OGDHL: variants seen among roughly 807,000 people sequenced by gnomAD.
The protein encoded by OGDHL is 2-oxoglutarate dehydrogenase-like, mitochondrial.
In OGDHL, 79 loss-of-function variants were observed where a neutral mutation model predicts 109.6. That is an observed-to-expected ratio of 0.72 (90% CI 0.60 to 0.87). OGDHL has a LOEUF of 0.87. Ranked by LOEUF, OGDHL falls within the 40% of genes least tolerant of loss-of-function variation. OGDHL has a pLI of 0.00. For synonymous variants in OGDHL, 528 were observed against 537.2 expected (o/e 0.98, Z 0.24); for missense variants, 1,275 against 1,362.2 (o/e 0.94, Z 1.01).
Position 49,756,766 on chromosome 10 carries a change from T to A in OGDHL, c.375+10A>T, listed in dbSNP as rs1461096403. On this transcript the variant is annotated intron_variant, in intron 3 of 22. Coordinates refer to ENST00000374103, the MANE Select transcript of OGDHL (RefSeq NM_018245.3). ...GCAGCCTCCCAGGCTGTGCCTCAGC[T>A]GCCCCTCACCTGGTAGGCCCGGATC... 6.2e-7 allele frequency: 1 copy of A among 1,609,864 alleles called. No individual in the cohort carries two copies. The highest frequency in any genetic ancestry group is 8.5e-7 in the Non-Finnish European group (1 of 1,177,598).
At position 49,752,630 on chromosome 10, in the gene OGDHL, G is replaced by T; in HGVS notation, c.478+8C>A. The T allele has an allele frequency of 6.2e-7, 1 of 1,612,150 alleles. No homozygotes were observed. Among genetic ancestry groups the T allele is most frequent in the South Asian group, 1.1e-5 (1 of 91,034 alleles). Reference sequence around the variant, plus strand: ...CACTGCCATGGCCGTCCTGAGGAAGGGTCTTACCCAGTTTATCAATGGTTG... The same window carrying T: ...CACTGCCATGGCCGTCCTGAGGAAGTGTCTTACCCAGTTTATCAATGGTTG... On this transcript the variant is annotated splice_region_variant and intron_variant, in intron 4 of 22. Transcript: ENST00000374103.
chr10:49,738,136 G>C lies in OGDHL; in HGVS notation c.2391+55C>G, dbSNP rs1841353146. The C allele has an allele frequency of 4.3e-6, 7 of 1,613,908 alleles. No homozygotes were observed. The South Asian group carries it at 5.5e-5, about 13-fold the overall frequency. ...GCTGCACCCACACCCTGGACCCCTA[G>C]CCCTGTGGGCACAATAGGGCGCGTC... is the stretch of plus-strand genomic sequence containing the variant. On this transcript the variant is annotated intron_variant, in intron 18 of 22. Transcript: ENST00000374103.
intron 1 of OGDHL, among the ~76,000 whole-genome samples, chr10:49,760,446 G>C (rs921272201): frequency 2.0e-5 from 3 of 152,224 alleles, no homozygotes; most frequent in African/African-American, 7.2e-5. Flanking sequence ...TGGGCAAAGA[G>C]AAGGTCGTGC....
At chr10:49,748,875 G>A (rs975022006) in intron 8 of OGDHL, among the ~76,000 whole-genome samples, 4 of 152,206 alleles carry the variant, frequency 2.6e-5, no homozygotes, top group African/African-American at 9.6e-5. Context: ...AGGGGACCCA[G>A]AGAGCCACCG....
In OGDHL at chr10:49,762,306, G is replaced by A. The variant is rs1843353868; in HGVS notation, c.-69C>T. 1 of 152,128 alleles carries A rather than the reference G, an allele frequency of 6.6e-6. No individual in the cohort carries two copies. Among genetic ancestry groups the A allele is most frequent in the Admixed American group, 6.5e-5 (1 of 15,278 alleles). The allele number at this position is 152,128 out of a possible 1,614,324, so 9.4% of individuals were successfully genotyped here. A position where few individuals can be genotyped will look rare whatever the true frequency, so the allele number is the denominator to read the frequency against. ...CTGCAGGTCAGGGGGCTGCGCGGAA[G>A]GGGTGCGCGCGCGCCGTGCCAATTA... On this transcript the variant is annotated 5_prime_UTR_variant, in exon 1 of 23. Transcript: ENST00000374103.
intron 1 of OGDHL, among the ~76,000 whole-genome samples, chr10:49,761,351 T>C (rs1843264234): frequency 6.6e-6 from 1 of 152,176 alleles, no homozygotes; most frequent in South Asian, 2.1e-4. Flanking sequence ...CACAACCCTG[T>C]CTGGGGTGCC....
Position 49,737,820 on chromosome 10 carries a change from T to C in OGDHL, c.2556A>G (p.Pro852=), listed in dbSNP as rs754571217. 1.6e-5 allele frequency: 26 copies of C among 1,614,072 alleles called. No homozygotes were observed. The highest frequency in any genetic ancestry group is 3.3e-4 in the Middle Eastern group (2 of 6,084). ...IFTPKSLLRH[P]EAKSSFDQMV... is the part of the protein sequence containing the mutation. Reference sequence around the variant, plus strand: ...TTTGGTCAAAGCTGGACTTGGCCTCTGGGTGCCTCAGCAGAGATTTAGGTG... The same window carrying C: ...TTTGGTCAAAGCTGGACTTGGCCTCCGGGTGCCTCAGCAGAGATTTAGGTG... Residue 852 remains proline, a synonymous_variant, in exon 20 of 23, where the codon CCA becomes CCG. Transcript: ENST00000374103.
intron 16 of OGDHL, 81 bp downstream of exon 16, chr10:49,740,629 C>T: frequency 1.3e-6 from 2 of 1,520,850 alleles, no homozygotes; most frequent in East Asian, 2.3e-5. Flanking sequence ...CTCCCAGGCC[C>T]TGGCCCCGGT....
intron 3 of OGDHL, 62 bp downstream of exon 3, chr10:49,756,714 G>A (rs1842937921): frequency 6.7e-7 from 1 of 1,503,426 alleles, no homozygotes; most frequent in Admixed American, 2.0e-5. Flanking sequence ...CTTCCCTTCA[G>A]TGCCTGGCCA....
intron 15 of OGDHL, 26 bp downstream of exon 15, chr10:49,742,802 C>T (rs79347484): frequency 0.021 from 33,751 of 1,602,090 alleles, 461 homozygotes; most frequent in Middle Eastern, 0.036. Flanking sequence ...GTCTCCTGTG[C>T]GGATGCTGAG....
At chr10:49,756,723 C>A in intron 3 of OGDHL, 53 bp downstream of exon 3, 1 of 1,536,282 alleles carries the variant, frequency 6.5e-7, no homozygotes, top group Admixed American at 1.9e-5. Context: ...AGTGCCTGGC[C>A]ACACCCCAGG....
At chr10:49,758,684 C>A in intron 1 of OGDHL, 91 bp from the exon 2 acceptor site, 1 of 1,282,838 alleles carries the variant, frequency 7.8e-7, no homozygotes, top group Non-Finnish European at 1.1e-6. Context: ...CAGCACTTGT[C>A]ATTCCCACTG....
chr10:49,737,940 G>A lies in OGDHL; in HGVS notation c.2517+7C>T. The A allele has an allele frequency of 6.2e-7, 1 of 1,614,156 alleles. No individual in the cohort carries two copies. The highest frequency in any genetic ancestry group is 2.2e-5 in the East Asian group (1 of 44,876). ...CCTGTGACCCCTGCCCTGGGACGGA[G>A]ACTCACCGGCTTGCGGAAGGGCAGC... On this transcript the variant is annotated splice_region_variant and intron_variant, in intron 19 of 22. Transcript: ENST00000374103.
intron 9 of OGDHL, 48 bp from the exon 10 acceptor site, chr10:49,746,926 T>G (rs748400704): frequency 6.2e-7 from 1 of 1,612,970 alleles, no homozygotes; most frequent in South Asian, 1.1e-5. Flanking sequence ...CCAGCCCATG[T>G]AGCCCAGCCG....
rs1026909278 is a variant in OGDHL, at chr10:49,745,343, C to T, written c.1629+1G>A. On this transcript the variant is annotated splice_donor_variant, in intron 12 of 22. Transcript: ENST00000374103. LOFTEE classifies it high-confidence loss of function. ...GGCGCCCCTGCAGCCTGCCTGCCCACCTCAAACTCCTGCAGGGTGACTGTG... is the reference window on the plus strand; with the variant it reads ...GGCGCCCCTGCAGCCTGCCTGCCCATCTCAAACTCCTGCAGGGTGACTGTG... 6.8e-6 allele frequency: 11 copies of T among 1,613,392 alleles called. No individual in the cohort carries two copies. The highest frequency in any genetic ancestry group is 6.7e-5 in the Admixed American group (4 of 60,002).
At chr10:49,746,924 T>A in intron 9 of OGDHL, 46 bp from the exon 10 acceptor site, 1 of 1,613,052 alleles carries the variant, frequency 6.2e-7, no homozygotes, top group Non-Finnish European at 8.5e-7. Flanking sequence ...CCCCAGCCCA[T>A]GTAGCCCAGC....
intron 22 of OGDHL, 40 bp downstream of exon 22, chr10:49,735,983 A>C (rs1431865993): frequency 1.3e-6 from 2 of 1,529,690 alleles, no homozygotes; most frequent in East Asian, 4.5e-5. Context: ...ACAGAGCCTC[A>C]GGGCCGAGGT....
intron 20 of OGDHL, among the ~76,000 whole-genome samples, chr10:49,737,050 T>C (rs537426919): frequency 5.3e-5 from 8 of 152,220 alleles, no homozygotes; most frequent in African/African-American, 1.9e-4. Flanking sequence ...GAAGCTACTG[T>C]AGTGTCCTCA....
In OGDHL at chr10:49,751,246, C is replaced by T. The variant is rs112374525; in HGVS notation, c.750-261G>A. Among the ~76,000 whole-genome samples the T allele has an allele frequency of 3.4e-3, 521 of 152,224 alleles. 4 individuals are homozygous for T. The highest frequency in any genetic ancestry group is 0.012 in the African/African-American group (501 of 41,530). On this transcript the variant is annotated intron_variant, in intron 6 of 22. Coordinates refer to ENST00000374103, the MANE Select transcript of OGDHL (RefSeq NM_018245.3). ...CCTACACCCCTTCCCAGCTGCCGCC[C>T]TCTCTCTTCCTCATAGCCAAGCTCC...
Sources: gnomAD v4.1 joint callset for allele counts (sites outside exome capture counted in the v4.1 genomes callset) on GRCh38, gnomAD v4.1.1 for gene constraint, MANE v1.5 for transcripts, NCBI Gene and HGNC (gene_info 2026-07-23, HGNC 2026-07-21) for gene names.